The following SPAG16 variants were observed in gnomAD, a reference collection of about 807,000 sequenced individuals.
SPAG16 encodes the protein sperm associated antigen 16.
Under a neutral mutation model 80.4 loss-of-function variants are expected in SPAG16, and 86 were observed. The observed-to-expected ratio is 1.07, with a 90% CI of 0.90 to 1.28. SPAG16 has a LOEUF of 1.28. SPAG16 is among the 50% of genes most tolerant of loss of function. The pLI, the probability that SPAG16 is intolerant of heterozygous loss-of-function variation, is 0.00. For missense variants in SPAG16, 870 were observed against 765.3 expected, an observed-to-expected ratio of 1.14 and a Z score of -1.61; for synonymous variants, 294 against 265.9, an observed-to-expected ratio of 1.11 and a Z score of -1.03.
At chr2:213,422,128 C>T (rs1391676976) in intron 9 of SPAG16, 5 of 690,758 alleles carry the variant, frequency 7.2e-6, no homozygotes, top group Non-Finnish European at 1.3e-5. Flanking sequence ...CCCTGCTTGC[C>T]ACTTTGCAGG....
At chr2:213,377,385 A>AC (rs2066929743) in intron 9 of SPAG16, among the ~76,000 whole-genome samples, 1 of 152,138 alleles carries the variant, frequency 6.6e-6, no homozygotes, top group African/African-American at 2.4e-5. Flanking sequence ...AGGTAATTCA[A>AC]CCCTTACCCT....
chr2:213,730,706 G>A (rs1244718674), intron 10 of SPAG16, among the ~76,000 whole-genome samples: 1 of 152,146 alleles, frequency 6.6e-6, no homozygotes, highest in Non-Finnish European at 1.5e-5. Context: ...TTGGTTTAGT[G>A]TTTGTCATTA....
chr2:213,480,982 T>C (rs1266609443), intron 9 of SPAG16, among the ~76,000 whole-genome samples: 2 of 152,182 alleles, frequency 1.3e-5, no homozygotes, highest in East Asian at 1.9e-4. Context: ...GTATTGCAAT[T>C]TCAATTACAA....
At chr2:214,161,922 A>T (rs962773818) in intron 15 of SPAG16, among the ~76,000 whole-genome samples, 15 of 152,016 alleles carry the variant, frequency 9.9e-5, no homozygotes, top group Admixed American at 7.2e-4. Flanking sequence ...ATTTTTTTGG[A>T]GGAGGGATTG....
chr2:213,881,303 A>G (rs186600088), intron 11 of SPAG16, among the ~76,000 whole-genome samples: 80 of 152,294 alleles, frequency 5.3e-4, no homozygotes, highest in African/African-American at 1.7e-3. Context: ...TGATTTTTAC[A>G]TATTGATTTT....
chr2:213,720,595 G>A (rs1045656566), intron 10 of SPAG16, among the ~76,000 whole-genome samples: 2 of 151,302 alleles, frequency 1.3e-5, no homozygotes, highest in African/African-American at 4.9e-5. Flanking sequence ...TGGAGATCGC[G>A]CCACTGCACT....
rs891858946 is a variant in SPAG16 at position 213,318,341 on chromosome 2, C to T, written c.536+985C>T. Reference sequence around the variant, plus strand: ...AGCCATAAAAATGAATGAAATCAGGCCTTTTGCAGCAACATGGGTGGAACT... The same window carrying T: ...AGCCATAAAAATGAATGAAATCAGGTCTTTTGCAGCAACATGGGTGGAACT... On this transcript the variant is annotated intron_variant, in intron 5 of 15. Transcript: ENST00000331683. Among the ~76,000 whole-genome samples, 8 of 152,080 alleles carry T rather than the reference C, an allele frequency of 5.3e-5. 1 individual carries two copies. In the South Asian group the frequency reaches 1.7e-3, roughly 32 times the overall value.
At chr2:213,623,114 A>G (rs551430157) in intron 10 of SPAG16, among the ~76,000 whole-genome samples, 20 of 152,234 alleles carry the variant, frequency 1.3e-4, no homozygotes, top group African/African-American at 4.8e-4. Context: ...CCTCTGATTG[A>G]TGGGTATAAG....
At chr2:213,529,469 C>CT (rs2075997654) in intron 10 of SPAG16, among the ~76,000 whole-genome samples, 2 of 152,180 alleles carry the variant, frequency 1.3e-5, no homozygotes, top group Admixed American at 1.3e-4. Flanking sequence ...AGCTCTAGCA[C>CT]ACTACTGCAT....
At chr2:214,260,825 G>A (rs768015711) in intron 15 of SPAG16, among the ~76,000 whole-genome samples, 28 of 151,964 alleles carry the variant, frequency 1.8e-4, no homozygotes, top group Non-Finnish European at 3.8e-4. Context: ...TCTGAGACTT[G>A]GCCAGGTGCA....
chr2:214,250,869 T>C (rs1287224008), intron 15 of SPAG16, among the ~76,000 whole-genome samples: 2 of 150,518 alleles, frequency 1.3e-5, no homozygotes, highest in Middle Eastern at 3.5e-3. Flanking sequence ...AAATGAATTG[T>C]CTAATTTTCT....
intron 15 of SPAG16, chr2:214,239,462 T>G (rs901212241): frequency 3.9e-5 from 6 of 152,212 alleles, no homozygotes; most frequent in African/African-American, 1.4e-4. Context: ...ATGAGATAGC[T>G]TCTCTAGATT....
chr2:213,760,811 C>T (rs541445793), intron 10 of SPAG16, among the ~76,000 whole-genome samples: 1 of 152,242 alleles, frequency 6.6e-6, no homozygotes, highest in Admixed American at 6.5e-5. Flanking sequence ...GATGAGGAAT[C>T]CAGAAGCATG....
intron 15 of SPAG16, among the ~76,000 whole-genome samples, chr2:214,367,705 T>C (rs1473342220): frequency 6.6e-6 from 1 of 152,188 alleles, no homozygotes; most frequent in Non-Finnish European, 1.5e-5. Context: ...TGCTGTTTCA[T>C]ATAAATATAC....
intron 15 of SPAG16, among the ~76,000 whole-genome samples, chr2:214,293,873 G>T (rs1045923229): frequency 6.6e-6 from 1 of 152,058 alleles, no homozygotes; most frequent in Admixed American, 6.6e-5. Context: ...ACCAGGGAAG[G>T]TGGGGCCACT....
intron 15 of SPAG16, among the ~76,000 whole-genome samples, chr2:214,199,875 T>C (rs2057959171): frequency 1.3e-5 from 2 of 152,160 alleles, no homozygotes. Context: ...GTAAAAGGGA[T>C]TAAGTTCTTG....
rs1167810126 is a variant in SPAG16, at chr2:213,296,216, A to G, written c.183+106A>G. ...ATGTAAGAACCATTCTTTTTTCTTA[A>G]GAGATACCAGTTTTTCAACTGAATT... On this transcript the variant is annotated intron_variant, in intron 2 of 15. Transcript: ENST00000331683. 5.1e-6 allele frequency: 4 copies of G among 778,380 alleles called. No homozygotes were observed. The African/African-American group carries it at 5.3e-5, about 10-fold the overall frequency. The allele number at this position is 778,380 out of a possible 1,614,324, so 48.2% of individuals were successfully genotyped here. A position where few individuals can be genotyped will look rare whatever the true frequency, so the allele number is the denominator to read the frequency against.
In SPAG16 at chr2:213,420,870, A is replaced by G. The variant is rs2069542013; in HGVS notation, c.942+45751A>G. 3.3e-5 allele frequency among the ~76,000 whole-genome samples: 5 copies of G among 152,356 alleles called. No homozygotes were observed. The South Asian group carries it at 8.3e-4, about 25-fold the overall frequency. ...TGTTCACATATACACATACAGAATC[A>G]CTAGTCTGCTTGTTTGGTATGTGGA... On this transcript the variant is annotated intron_variant, in intron 9 of 15. Transcript: ENST00000331683.
chr2:213,583,716 T>A (rs1286134215), intron 10 of SPAG16, among the ~76,000 whole-genome samples: 3 of 152,162 alleles, frequency 2.0e-5, no homozygotes, highest in South Asian at 2.1e-4. Context: ...AAAGCAATAG[T>A]TTTTCCTATG....
Sources: gnomAD v4.1 joint callset for allele counts (sites outside exome capture counted in the v4.1 genomes callset) on GRCh38, gnomAD v4.1.1 for gene constraint, MANE v1.5 for transcripts, NCBI Gene and HGNC (gene_info 2026-07-23, HGNC 2026-07-21) for gene names.